CTNNA2: variants seen among roughly 807,000 people sequenced by gnomAD.
CTNNA2 encodes the protein catenin alpha-2.
CTNNA2 carries 42 observed loss-of-function variants against 101.0 expected under a neutral mutation model. The observed-to-expected ratio is 0.42, with a 90% confidence interval of 0.32 to 0.54. The LOEUF is 0.54. Among genes scored for constraint, CTNNA2 ranks in the 20% least tolerant of loss-of-function variants. The pLI is 0.14. For synonymous variants in CTNNA2, 450 were observed against 456.4 expected, an observed-to-expected ratio of 0.99 and a Z score of 0.18; for missense variants, 871 against 1,223.1, an observed-to-expected ratio of 0.71 and a Z score of 4.29.
chr2:80,586,011 G>T (rs1469935488), intron 14 of CTNNA2, among the ~76,000 whole-genome samples: 1 of 152,154 alleles, frequency 6.6e-6, no homozygotes, highest in African/African-American at 2.4e-5. Context: ...CATTGGAGGG[G>T]ATAGTTTTTC....
At chr2:79,435,151 T>C (rs973925009) in intron 4 of CTNNA2, among the ~76,000 whole-genome samples, 9 of 152,006 alleles carry the variant, frequency 5.9e-5, no homozygotes, top group Non-Finnish European at 1.2e-4. Flanking sequence ...CAGTGAAAGG[T>C]GCATTAGATG....
intron 8 of CTNNA2, among the ~76,000 whole-genome samples, chr2:80,405,735 A>T (rs537852727): frequency 6.6e-6 from 1 of 152,308 alleles, no homozygotes; most frequent in African/African-American, 2.4e-5. Context: ...TGGTGCATTC[A>T]TTGAGAAATG....
chr2:80,154,669 CTT>C (rs1445194200), intron 7 of CTNNA2, among the ~76,000 whole-genome samples: 1 of 152,102 alleles, frequency 6.6e-6, no homozygotes, highest in Non-Finnish European at 1.5e-5. Flanking sequence ...ATCCCAGTGG[CTT>C]AATAACACAG....
chr2:79,543,552 A>C (rs1673548506), intron 1 of CTNNA2, among the ~76,000 whole-genome samples: 1 of 152,154 alleles, frequency 6.6e-6, no homozygotes, highest in Non-Finnish European at 1.5e-5. Flanking sequence ...GATGGTTTTC[A>C]ATCTGACAAC....
chr2:79,604,313 A>G (rs185635583), intron 1 of CTNNA2, among the ~76,000 whole-genome samples: 355 of 152,308 alleles, frequency 2.3e-3, no homozygotes, highest in Admixed American at 5.2e-3. Flanking sequence ...GTCTGAAAAT[A>G]TATGAAATCA....
chr2:79,591,851 C>T (rs563080414), intron 1 of CTNNA2, among the ~76,000 whole-genome samples: 1 of 150,642 alleles, frequency 6.6e-6, no homozygotes. Flanking sequence ...CCTGCTGCAC[C>T]TGATTTGTTA....
chr2:80,398,221 A>T (rs185239024), intron 8 of CTNNA2, among the ~76,000 whole-genome samples: 123 of 152,294 alleles, frequency 8.1e-4, no homozygotes, highest in African/African-American at 2.7e-3. Flanking sequence ...AAGGCGTTCT[A>T]TTGTTTTTCT....
chr2:79,405,374 G>A (rs1014187758), intron 4 of CTNNA2, among the ~76,000 whole-genome samples: 2 of 152,076 alleles, frequency 1.3e-5, no homozygotes, highest in Non-Finnish European at 2.9e-5. Context: ...CACCCAGGCT[G>A]GAGTGGAGTG....
At position 80,010,793 on chromosome 2, in the gene CTNNA2, A is replaced by G. The variant is rs1326154905; in HGVS notation, c.1056+100996A>G. Among the ~76,000 whole-genome samples the G allele has an allele frequency of 3.3e-5, 5 of 152,056 alleles. No individual in the cohort carries two copies. In the South Asian group the frequency reaches 6.3e-4, roughly 19 times the overall value. ...AAATTCTCCACATTTCATTTTCAGCATTGTCTTTTGGAAAAATAGTGGGAA... is the reference window on the plus strand; with the variant it reads ...AAATTCTCCACATTTCATTTTCAGCGTTGTCTTTTGGAAAAATAGTGGGAA... On this transcript the variant is annotated intron_variant, in intron 7 of 18. Coordinates refer to ENST00000402739, the MANE Select transcript of CTNNA2 (RefSeq NM_001282597.3).
chr2:79,933,523 C>T lies in CTNNA2; in HGVS notation c.1056+23726C>T, dbSNP rs535126824. 3.3e-5 allele frequency among the ~76,000 whole-genome samples: 5 copies of T among 151,332 alleles called. 1 individual carries two copies. Among genetic ancestry groups the T allele is most frequent in the African/African-American group, 1.2e-4 (5 of 41,174 alleles). On this transcript the variant is annotated intron_variant, in intron 7 of 18. Coordinates refer to ENST00000402739, the MANE Select transcript of CTNNA2 (RefSeq NM_001282597.3). ...AGGCTGGAGTACAATGGCAAGATCT[C>T]GGCTCACTGCAACCTCTGCGTCCCG...
intron 2 of CTNNA2, among the ~76,000 whole-genome samples, chr2:79,719,590 C>T (rs1192717334): frequency 6.6e-6 from 1 of 152,146 alleles, no homozygotes; most frequent in African/African-American, 2.4e-5. Flanking sequence ...AATAGCCATT[C>T]TGACTGGTAT....
At chr2:79,397,708 G>A (rs939838477) in intron 4 of CTNNA2, among the ~76,000 whole-genome samples, 1 of 151,992 alleles carries the variant, frequency 6.6e-6, no homozygotes, top group African/African-American at 2.4e-5. Context: ...TTGTTGTCCA[G>A]TCTGGAGTGC....
intron 7 of CTNNA2, among the ~76,000 whole-genome samples, chr2:80,221,826 G>A (rs1186321851): frequency 6.6e-6 from 1 of 152,244 alleles, no homozygotes; most frequent in African/African-American, 2.4e-5. Flanking sequence ...CAAAATGTGT[G>A]CAAGACAGAT....
chr2:79,734,816 A>T (rs1670753292), intron 2 of CTNNA2, among the ~76,000 whole-genome samples: 1 of 152,166 alleles, frequency 6.6e-6, no homozygotes, highest in Non-Finnish European at 1.5e-5. Flanking sequence ...CATAAAGTAA[A>T]ATCAAACCAG....
At chr2:79,687,758 G>T (rs10184380) in intron 2 of CTNNA2, 71,624 of 481,802 alleles carry the variant, frequency 0.15, 7,398 homozygotes, top group East Asian at 0.47. Flanking sequence ...CCAAAATGCT[G>T]AAAATTAACT....
intron 2 of CTNNA2, among the ~76,000 whole-genome samples, chr2:79,215,764 T>A (rs796444878): frequency 2.0e-5 from 3 of 151,806 alleles, no homozygotes; most frequent in East Asian, 3.9e-4. Flanking sequence ...GCTGGGCAGG[T>A]GGGGGAGGGC....
At chr2:80,562,663 A>G (rs1234433428) in intron 12 of CTNNA2, among the ~76,000 whole-genome samples, 1 of 152,202 alleles carries the variant, frequency 6.6e-6, no homozygotes, top group Non-Finnish European at 1.5e-5. Flanking sequence ...ACAAGACTGT[A>G]GGCTAGAAAC....
At chr2:80,301,286 C>T (rs538502530) in intron 7 of CTNNA2, among the ~76,000 whole-genome samples, 1 of 152,282 alleles carries the variant, frequency 6.6e-6, no homozygotes, top group Admixed American at 6.5e-5. Context: ...CCCTAAACAT[C>T]GGGATTCTGC....
At chr2:79,310,365 T>G (rs994657285) in intron 2 of CTNNA2, among the ~76,000 whole-genome samples, 7 of 150,674 alleles carry the variant, frequency 4.6e-5, no homozygotes, top group African/African-American at 1.5e-4. Flanking sequence ...TTTAAATTTT[T>G]CATTAAGACC....
Sources: allele counts gnomAD v4.1 joint callset (sites outside exome capture counted in the v4.1 genomes callset), GRCh38; gene constraint gnomAD v4.1.1; transcripts MANE v1.5; gene names NCBI Gene and HGNC (gene_info 2026-07-23, HGNC 2026-07-21).